Variants in SPAG16 observed in about 807,000 individuals in gnomAD.
The protein encoded by SPAG16 is sperm-associated antigen 16 protein.
A neutral mutation model predicts 80.4 loss-of-function variants in SPAG16; 86 were observed. The ratio of observed to expected loss-of-function variants is 1.07; its 90% confidence interval spans 0.90 to 1.28. The LOEUF is 1.28. Among genes scored for constraint, SPAG16 ranks in the 50% most tolerant of loss-of-function variants. The probability of loss-of-function intolerance (pLI) is 0.00; values close to 1 mark genes in which losing one functional copy is unlikely to be tolerated. For synonymous variants in SPAG16, 294 were observed against 265.9 expected (o/e 1.11, Z -1.03); for missense variants, 870 against 765.3 (o/e 1.14, Z -1.61).
intron 12 of SPAG16, among the ~76,000 whole-genome samples, chr2:213,992,678 C>T (rs576162456): frequency 2.5e-4 from 38 of 152,042 alleles, no homozygotes; most frequent in Admixed American, 1.4e-3. Context: ...GCAAAAATTG[C>T]ATAATAAGTT....
intron 12 of SPAG16, among the ~76,000 whole-genome samples, chr2:213,988,577 G>C (rs2046130218): frequency 6.6e-6 from 1 of 152,090 alleles, no homozygotes; most frequent in African/African-American, 2.4e-5. Context: ...TTGTGGGATA[G>C]TGTTCAGCAA....
rs184096702 is a variant in SPAG16 at position 213,545,791 on chromosome 2, G to A, written c.1070+55701G>A. Among the ~76,000 whole-genome samples the A allele has an allele frequency of 9.2e-4, 140 of 151,984 alleles. 1 individual carries two copies. Among genetic ancestry groups the A allele is most frequent in the Non-Finnish European group, 2.9e-4 (20 of 67,946 alleles). ...AATGAAACACTTTACGCTTGGGAGG[G>A]GTTTGTGTGATGTGATGGCCCAAAA... On this transcript the variant is annotated intron_variant, in intron 10 of 15. Coordinates refer to ENST00000331683, the MANE Select transcript of SPAG16 (RefSeq NM_024532.5).
chr2:214,274,746 G>T (rs1692317524), intron 15 of SPAG16, among the ~76,000 whole-genome samples: 1 of 152,142 alleles, frequency 6.6e-6, no homozygotes. Flanking sequence ...AGGGATATTG[G>T]TCTAAAATTC....
rs115278854 is a variant in SPAG16, at chr2:214,134,008, A to T, written c.1594-15132A>T. 8.5e-3 allele frequency among the ~76,000 whole-genome samples: 1,296 copies of T among 152,280 alleles called. 12 individuals are homozygous for T. Among genetic ancestry groups the T allele is most frequent in the Non-Finnish European group, 9.2e-3 (623 of 68,014 alleles). The stretch of plus-strand genomic sequence containing the variant: ...GTTGGAAATAAAGACCTGGAATTTA[A>T]GAGAGAGTTGTGAATTGGAGATGTA... On this transcript the variant is annotated intron_variant, in intron 14 of 15. Coordinates refer to ENST00000331683, the MANE Select transcript of SPAG16 (RefSeq NM_024532.5).
At chr2:214,308,551 T>A (rs1695081758) in intron 15 of SPAG16, among the ~76,000 whole-genome samples, 1 of 152,212 alleles carries the variant, frequency 6.6e-6, no homozygotes, top group Non-Finnish European at 1.5e-5. Flanking sequence ...CTTTAATGCT[T>A]CCTTTAGGTG....
chr2:214,101,683 T>C (rs13387245), intron 13 of SPAG16, among the ~76,000 whole-genome samples: 49,317 of 151,976 alleles, frequency 0.32, 8,258 homozygotes, highest in African/African-American at 0.34. Flanking sequence ...TAGGGGACTT[T>C]GGAATCAGGC....
intron 14 of SPAG16, among the ~76,000 whole-genome samples, chr2:214,134,362 A>G (rs1403924194): frequency 6.6e-6 from 1 of 152,182 alleles, no homozygotes; most frequent in Non-Finnish European, 1.5e-5. Context: ...ACACATTCCT[A>G]GTCTTGACAG....
At chr2:213,443,942 T>G (rs975466482) in intron 9 of SPAG16, among the ~76,000 whole-genome samples, 2 of 152,164 alleles carry the variant, frequency 1.3e-5, no homozygotes, top group Non-Finnish European at 2.9e-5. Context: ...CTTTTTCTAT[T>G]AGGCTATTTA....
At chr2:213,443,970 G>C (rs1213214782) in intron 9 of SPAG16, among the ~76,000 whole-genome samples, 2 of 152,144 alleles carry the variant, frequency 1.3e-5, no homozygotes, top group African/African-American at 2.4e-5. Flanking sequence ...AATAGAAAAA[G>C]TGTGCAGATT....
At chr2:213,665,520 G>T (rs937286420) in intron 10 of SPAG16, among the ~76,000 whole-genome samples, 3 of 151,958 alleles carry the variant, frequency 2.0e-5, no homozygotes, top group Admixed American at 6.6e-5. Context: ...TCTACTAATT[G>T]GTCTGAGATT....
chr2:213,925,882 T>C (rs960756206), intron 11 of SPAG16, among the ~76,000 whole-genome samples: 2 of 152,192 alleles, frequency 1.3e-5, no homozygotes, highest in Admixed American at 6.5e-5. Flanking sequence ...CTTATTTTTC[T>C]TTTTTCCCTC....
chr2:214,380,036 G>A (rs1371215687), intron 15 of SPAG16, among the ~76,000 whole-genome samples: 5 of 152,174 alleles, frequency 3.3e-5, no homozygotes, highest in Admixed American at 1.3e-4. Flanking sequence ...TGCATTCTTA[G>A]TTCCAGACAT....
chr2:213,462,525 C>G (rs2072436459), intron 9 of SPAG16, among the ~76,000 whole-genome samples: 1 of 152,108 alleles, frequency 6.6e-6, no homozygotes, highest in Non-Finnish European at 1.5e-5. Context: ...ACCCCATAAT[C>G]CCCACATTTT....
intron 10 of SPAG16, among the ~76,000 whole-genome samples, chr2:213,828,030 T>C (rs527627015): frequency 1.8e-4 from 27 of 152,270 alleles, no homozygotes; most frequent in African/African-American, 6.3e-4. Context: ...ATAACTTTCT[T>C]GTTCTTGAAT....
intron 10 of SPAG16, among the ~76,000 whole-genome samples, chr2:213,556,312 C>CAAAAAAAAAAA (rs35010847): frequency 8.9e-6 from 1 of 112,826 alleles, no homozygotes; most frequent in Non-Finnish European, 1.8e-5. Flanking sequence ...AAAAAAAAAC[C>CAAAAAAAAAAA]AAAAAAAAAA....
chr2:213,910,994 A>G (rs1430390457), intron 11 of SPAG16, among the ~76,000 whole-genome samples: 2 of 152,140 alleles, frequency 1.3e-5, no homozygotes, highest in African/African-American at 4.8e-5. Context: ...TCCACTTCCT[A>G]CTTAGTGATG....
intron 11 of SPAG16, among the ~76,000 whole-genome samples, chr2:213,896,686 T>C (rs1409836182): frequency 1.3e-5 from 2 of 151,828 alleles, no homozygotes; most frequent in Non-Finnish European, 2.9e-5. Context: ...TATATACATA[T>C]ATATGATAGA....
intron 12 of SPAG16, among the ~76,000 whole-genome samples, chr2:214,006,256 A>C (rs2047021899): frequency 6.6e-6 from 1 of 152,180 alleles, no homozygotes; most frequent in African/African-American, 2.4e-5. Context: ...ATTCAATATT[A>C]GTAGTATTAA....
At chr2:213,945,303 AAG>A (rs1491108651) in intron 12 of SPAG16, among the ~76,000 whole-genome samples, 1 of 144,366 alleles carries the variant, frequency 6.9e-6, no homozygotes, top group African/African-American at 2.6e-5. Flanking sequence ...ATATATACAC[AAG>A]TATATATATG....
Sources: allele counts gnomAD v4.1 joint callset (sites outside exome capture counted in the v4.1 genomes callset), GRCh38; gene constraint gnomAD v4.1.1; transcripts MANE v1.5; gene names NCBI Gene and HGNC (gene_info 2026-07-23, HGNC 2026-07-21).